Variants in AGPAT4 observed in about 807,000 individuals in gnomAD.
AGPAT4 encodes the protein 1-acylglycerol-3-phosphate O-acyltransferase 4.
Under a neutral mutation model 48.0 loss-of-function variants are expected in AGPAT4, and 15 were observed. The observed-to-expected ratio is 0.31, with a 90% CI of 0.21 to 0.48. The LOEUF (loss-of-function observed/expected upper bound fraction) is 0.48. AGPAT4 is among the 20% of genes least tolerant of loss of function. The probability of loss-of-function intolerance (pLI) is 0.99; values close to 1 mark genes in which losing one functional copy is unlikely to be tolerated. For missense variants in AGPAT4, 314 were observed against 482.5 expected (o/e 0.65, Z 3.27); for synonymous variants, 178 against 198.7 (o/e 0.90, Z 0.88).
intron 1 of AGPAT4, among the ~76,000 whole-genome samples, chr6:161,247,894 A>T (rs1331367729): frequency 1.3e-5 from 2 of 149,972 alleles, no homozygotes; most frequent in Non-Finnish European, 3.0e-5. Context: ...AGGCAGGACA[A>T]TCGCTTGAAT....
rs1782594930 is a variant in AGPAT4 at position 161,244,479 on chromosome 6, T to C, written c.-89-12177A>G. On this transcript the variant is annotated intron_variant, in intron 1 of 8. Coordinates refer to ENST00000320285, the MANE Select transcript of AGPAT4 (RefSeq NM_020133.3). This position sits in a 1 kb window ranked among gnomAD's most constrained non-coding sequence, Gnocchi z 4.7. ...GTTTCCTTAAGCTTATTTCATCATTTAGTATTTTCATGTTTAATAACCATT... is the reference window on the plus strand; with the variant it reads ...GTTTCCTTAAGCTTATTTCATCATTCAGTATTTTCATGTTTAATAACCATT... 6.6e-6 allele frequency among the ~76,000 whole-genome samples: 1 copy of C among 152,206 alleles called. No homozygotes were observed. Among genetic ancestry groups the C allele is most frequent in the Non-Finnish European group, 1.5e-5 (1 of 68,040 alleles).
rs111276916 is a variant in AGPAT4 at position 161,195,814 on chromosome 6, T to C, written c.179-29397A>G. Among the ~76,000 whole-genome samples the C allele has an allele frequency of 0.029, 4,439 of 152,300 alleles. 236 individuals carry two copies. The highest frequency in any genetic ancestry group is 0.1 in the African/African-American group (4,163 of 41,550). On this transcript the variant is annotated intron_variant, in intron 2 of 8. Transcript: ENST00000320285. This position sits in a 1 kb window ranked among gnomAD's most constrained non-coding sequence, Gnocchi z 5.0. Reference sequence around the variant, plus strand: ...TCGTCACACAGGCATGGCTCTACACTGCTCTCTGGGGCAGGTGTCAGGGCC... The same window carrying C: ...TCGTCACACAGGCATGGCTCTACACCGCTCTCTGGGGCAGGTGTCAGGGCC...
At chr6:161,151,158 G>A (rs1417408680) in intron 5 of AGPAT4, among the ~76,000 whole-genome samples, 3 of 152,230 alleles carry the variant, frequency 2.0e-5, no homozygotes, top group South Asian at 4.1e-4. Context: ...CGCCAGCCAG[G>A]AGCAAATCCC....
Position 161,166,053 on chromosome 6 carries a change from C to T in AGPAT4, c.348+195G>A. On this transcript the variant is annotated intron_variant, in intron 3 of 8. Transcript: ENST00000320285. This position sits in a 1 kb window ranked among gnomAD's most constrained non-coding sequence, Gnocchi z 6.7. ...CCGGCAGGTAGCAATTGTTGAGTAC[C>T]TCTTATGATTGCCCATAAGAAGCTG... 1.4e-6 allele frequency: 1 copy of T among 693,802 alleles called. No individual in the cohort carries two copies. The highest frequency in any genetic ancestry group is 2.5e-6 in the Non-Finnish European group (1 of 407,494). 43.0% of individuals were successfully genotyped at this position (693,802 alleles called of 1,614,324 possible).
rs1781838607 is a variant in AGPAT4, at chr6:161,221,679, A to T, written c.178+10357T>A. Among the ~76,000 whole-genome samples the T allele has an allele frequency of 6.6e-6, 1 of 152,078 alleles. No individual in the cohort carries two copies. Among genetic ancestry groups the T allele is most frequent in the African/African-American group, 2.4e-5 (1 of 41,420 alleles). On this transcript the variant is annotated intron_variant, in intron 2 of 8. Transcript: ENST00000320285. The surrounding 1 kb of genome is among the most constrained non-coding windows in gnomAD (Gnocchi z 4.5). Reference sequence around the variant, plus strand: ...ATTGTCTGAGTTCTGGATTCCAGGAACCTCAGATCGGGGTGTTAGCAGGGT... The same window carrying T: ...ATTGTCTGAGTTCTGGATTCCAGGATCCTCAGATCGGGGTGTTAGCAGGGT...
rs966545391 is a variant in AGPAT4 at position 161,259,870 on chromosome 6, C to A, written c.-90+14068G>T. ...TAGCTCCATGGTATCTATGTGCACG[C>A]TGCACCCCCAGGGCCGAGTCGTAAG... On this transcript the variant is annotated intron_variant, in intron 1 of 8. Transcript: ENST00000320285. The surrounding 1 kb of genome is among the most constrained non-coding windows in gnomAD (Gnocchi z 4.9). 3.3e-5 allele frequency among the ~76,000 whole-genome samples: 5 copies of A among 152,178 alleles called. No individual in the cohort carries two copies. Among genetic ancestry groups the A allele is most frequent in the African/African-American group, 1.2e-4 (5 of 41,464 alleles).
chr6:161,177,613 T>A lies in AGPAT4; in HGVS notation c.179-11196A>T, dbSNP rs1041378140. 2.0e-5 allele frequency among the ~76,000 whole-genome samples: 3 copies of A among 152,216 alleles called. No individual in the cohort carries two copies. ...AACATCCTCCTTTAGCTCGGAGAAG[T>A]TTGTTATTACTGATCGTCTGAAGCC... is the stretch of plus-strand genomic sequence containing the variant. On this transcript the variant is annotated intron_variant, in intron 2 of 8. Transcript: ENST00000320285. The surrounding 1 kb of genome is among the most constrained non-coding windows in gnomAD (Gnocchi z 5.0).
chr6:161,183,435 C>T (rs1408699969), intron 2 of AGPAT4, among the ~76,000 whole-genome samples: 2 of 151,682 alleles, frequency 1.3e-5, no homozygotes, highest in Non-Finnish European at 2.9e-5. Flanking sequence ...GCCTGGCCAA[C>T]ATAGTGAAAA....
At chr6:161,248,102 T>TCCTA (rs1355524301) in intron 1 of AGPAT4, among the ~76,000 whole-genome samples, 21 of 149,750 alleles carry the variant, frequency 1.4e-4, no homozygotes, top group Non-Finnish European at 1.5e-5. Context: ...GATGACAGGA[T>TCCTA]CCTACAGCTA....
Position 161,208,711 on chromosome 6 carries a change from G to A in AGPAT4, c.178+23325C>T, listed in dbSNP as rs1439525793. ...AAAGAAATGCAAAAGAAGTCTATGTGTTCAAAAGAAAACTATTTGGTGCTG... is the reference window on the plus strand; with the variant it reads ...AAAGAAATGCAAAAGAAGTCTATGTATTCAAAAGAAAACTATTTGGTGCTG... On this transcript the variant is annotated intron_variant, in intron 2 of 8. Coordinates refer to ENST00000320285, the MANE Select transcript of AGPAT4 (RefSeq NM_020133.3). The surrounding 1 kb of genome is among the most constrained non-coding windows in gnomAD (Gnocchi z 4.6). Among the ~76,000 whole-genome samples the A allele has an allele frequency of 1.3e-5, 2 of 152,168 alleles. No homozygotes were observed. The highest frequency in any genetic ancestry group is 4.8e-5 in the African/African-American group (2 of 41,456).
intron 2 of AGPAT4, among the ~76,000 whole-genome samples, chr6:161,173,471 G>C (rs531681368): frequency 1.3e-5 from 2 of 152,078 alleles, no homozygotes; most frequent in Non-Finnish European, 2.9e-5. Context: ...CATATCCTTC[G>C]CCCACTTTTT....
chr6:161,233,433 G>C lies in AGPAT4; in HGVS notation c.-89-1131C>G, dbSNP rs1452258046. Among the ~76,000 whole-genome samples the C allele has an allele frequency of 6.6e-6, 1 of 152,156 alleles. No homozygotes were observed. The highest frequency in any genetic ancestry group is 1.5e-5 in the Non-Finnish European group (1 of 68,030). On this transcript the variant is annotated intron_variant, in intron 1 of 8. Transcript: ENST00000320285. This position sits in a 1 kb window ranked among gnomAD's most constrained non-coding sequence, Gnocchi z 5.4. ...GACAAACTTTCTAACAATAATAGTT[G>C]AGAGGCCCTAAAATTGTTACAATCT...
rs1781085021 is a variant in AGPAT4 at position 161,196,919 on chromosome 6, T to C, written c.179-30502A>G. 6.6e-6 allele frequency among the ~76,000 whole-genome samples: 1 copy of C among 151,942 alleles called. No individual in the cohort carries two copies. The highest frequency in any genetic ancestry group is 1.9e-4 in the East Asian group (1 of 5,152). ...CAGGACTTGCTCACTGACCAAACAT[T>C]TGGGCACTTACTGGGTGCCCGGAAC... On this transcript the variant is annotated intron_variant, in intron 2 of 8. Transcript: ENST00000320285. The surrounding 1 kb of genome is among the most constrained non-coding windows in gnomAD (Gnocchi z 4.3).
rs559582107 is a variant in AGPAT4, at chr6:161,177,793, T to G, written c.179-11376A>C. ...CCCATCTTTGTGGTTTTATCTACCT[T>G]TGGTCTTTGATGATGGTGACGTACA... On this transcript the variant is annotated intron_variant, in intron 2 of 8. Transcript: ENST00000320285. This position sits in a 1 kb window ranked among gnomAD's most constrained non-coding sequence, Gnocchi z 5.0. Among the ~76,000 whole-genome samples, 1 of 152,180 alleles carries G rather than the reference T, an allele frequency of 6.6e-6. No individual in the cohort carries two copies. Among genetic ancestry groups the G allele is most frequent in the Non-Finnish European group, 1.5e-5 (1 of 68,028 alleles).
Position 161,204,559 on chromosome 6 carries a change from G to C in AGPAT4, c.178+27477C>G, listed in dbSNP as rs1036238706. Among the ~76,000 whole-genome samples, 2 of 151,972 alleles carry C rather than the reference G, an allele frequency of 1.3e-5. No homozygotes were observed. Among genetic ancestry groups the C allele is most frequent in the Non-Finnish European group, 2.9e-5 (2 of 68,008 alleles). ...AAGACAATTATCTAGAAACAGCACT[G>C]GATTCTTATTATCTCATGATGAAGT... On this transcript the variant is annotated intron_variant, in intron 2 of 8. Transcript: ENST00000320285. The surrounding 1 kb of genome is among the most constrained non-coding windows in gnomAD (Gnocchi z 4.4).
At position 161,243,193 on chromosome 6, in the gene AGPAT4, C is replaced by T. The variant is rs1180046308; in HGVS notation, c.-89-10891G>A. ...CGTGGCTGTGGCTGTCAGCTCAATA[C>T]TAAGCCTGTGAGGGCTGGAACGACA... On this transcript the variant is annotated intron_variant, in intron 1 of 8. Coordinates refer to ENST00000320285, the MANE Select transcript of AGPAT4 (RefSeq NM_020133.3). The surrounding 1 kb of genome is among the most constrained non-coding windows in gnomAD (Gnocchi z 4.8). 6.6e-6 allele frequency among the ~76,000 whole-genome samples: 1 copy of T among 152,098 alleles called. No homozygotes were observed. The highest frequency in any genetic ancestry group is 1.5e-5 in the Non-Finnish European group (1 of 68,032).
chr6:161,154,427 A>T lies in AGPAT4; in HGVS notation c.349-117T>A. 1 of 1,181,632 alleles carries T rather than the reference A, an allele frequency of 8.5e-7. No homozygotes were observed. The highest frequency in any genetic ancestry group is 1.2e-6 in the Non-Finnish European group (1 of 842,264). 73.2% of individuals were successfully genotyped at this position (1,181,632 alleles called of 1,614,324 possible). A position where few individuals can be genotyped will look rare whatever the true frequency, so the allele number is the denominator to read the frequency against. The stretch of plus-strand genomic sequence containing the variant: ...GGACGTTCACACCAGACGCCTCGGG[A>T]CAGTCCCAGAACACATGCTGTCGAG... On this transcript the variant is annotated intron_variant, in intron 3 of 8. Coordinates refer to ENST00000320285, the MANE Select transcript of AGPAT4 (RefSeq NM_020133.3). This position sits in a 1 kb window ranked among gnomAD's most constrained non-coding sequence, Gnocchi z 7.8.
At position 161,138,476 on chromosome 6, in the gene AGPAT4, A is replaced by AT. The variant is rs1204927515; in HGVS notation, c.1042+945dup. 6.6e-6 allele frequency among the ~76,000 whole-genome samples: 1 copy of AT among 152,196 alleles called. No homozygotes were observed. The highest frequency in any genetic ancestry group is 6.5e-5 in the Admixed American group (1 of 15,286). ...CACTGATACGGGTTTATAGATGCAC[A>AT]TATGCTTGAGACTGGAACCACCACG... On this transcript the variant is annotated intron_variant, in intron 8 of 8. Coordinates refer to ENST00000320285, the MANE Select transcript of AGPAT4 (RefSeq NM_020133.3). This position sits in a 1 kb window ranked among gnomAD's most constrained non-coding sequence, Gnocchi z 4.8.
Position 161,134,458 on chromosome 6 carries a change from A to G in AGPAT4, c.*2082T>C, listed in dbSNP as rs894802824. 1.9e-4 allele frequency: 29 copies of G among 152,340 alleles called. No individual in the cohort carries two copies. The highest frequency in any genetic ancestry group is 7.0e-4 in the African/African-American group (29 of 41,586). The allele number at this position is 152,340 out of a possible 1,614,324, so 9.4% of individuals were successfully genotyped here. On this transcript the variant is annotated 3_prime_UTR_variant, in exon 9 of 9. Coordinates refer to ENST00000320285, the MANE Select transcript of AGPAT4 (RefSeq NM_020133.3). ...TTTCTGAGCATTTTTGAGAGTAGCA[A>G]CATAGAGGCAGCTTTCTAGTCTTTC...
Sources: allele counts gnomAD v4.1 joint callset (sites outside exome capture counted in the v4.1 genomes callset), GRCh38; gene constraint gnomAD v4.1.1; non-coding constraint Gnocchi (gnomAD v3.1); transcripts MANE v1.5; gene names NCBI Gene and HGNC (gene_info 2026-07-23, HGNC 2026-07-21).